The following ABL1 variants were observed in gnomAD, a reference collection of about 807,000 sequenced individuals.
ABL1 encodes tyrosine-protein kinase ABL1.
Under a neutral mutation model 94.7 loss-of-function variants are expected in ABL1, and 11 were observed. The ratio of observed to expected loss-of-function variants is 0.12; its 90% CI spans 0.07 to 0.19. The LOEUF is 0.19. ABL1 is among the 10% of genes least tolerant of loss of function. The probability of loss-of-function intolerance (pLI) is 1.00; values close to 1 mark genes in which losing one functional copy is unlikely to be tolerated. For missense variants in ABL1, 1,082 were observed against 1,489.4 expected, an observed-to-expected ratio of 0.73 and a Z score of 4.50; for synonymous variants, 656 against 622.4, an observed-to-expected ratio of 1.05 and a Z score of -0.80.
intron 1 of ABL1, among the ~76,000 whole-genome samples, chr9:130,744,807 A>C (rs1209889471): frequency 2.0e-5 from 3 of 149,898 alleles, no homozygotes; most frequent in Non-Finnish European, 4.4e-5. Context: ...CAGTGAGCCA[A>C]GATCGCACCA....
chr9:130,850,421 T>A (rs1441356061), intron 1 of ABL1, among the ~76,000 whole-genome samples: 1 of 152,198 alleles, frequency 6.6e-6, no homozygotes, highest in Non-Finnish European at 1.5e-5. Flanking sequence ...TGTAGGAAAT[T>A]GAAGCTGGAA....
intron 10 of ABL1, among the ~76,000 whole-genome samples, chr9:130,882,436 C>T (rs1363099312): frequency 2.6e-5 from 4 of 152,144 alleles, no homozygotes; most frequent in Non-Finnish European, 5.9e-5. Context: ...ATACTGGTAC[C>T]TCTGTTGAGT....
Position 130,835,591 on chromosome 9 carries a change from C to T in ABL1, c.79+66C>T, listed in dbSNP as rs1830561285. 7.1e-7 allele frequency: 1 copy of T among 1,411,964 alleles called. No homozygotes were observed. The allele number at this position is 1,411,964 out of a possible 1,614,324, so 87.5% of individuals were successfully genotyped here. On this transcript the variant is annotated intron_variant, in intron 1 of 10. Coordinates refer to ENST00000318560, the MANE Select transcript of ABL1 (RefSeq NM_005157.6). The surrounding 1 kb of genome is among the most constrained non-coding windows in gnomAD (Gnocchi z 4.6). ...CCCTCCCGCTGCTGCTGGGCCCTTC[C>T]TAGGCCTCGCCGCCCGCGCGCTCCC... is the stretch of plus-strand genomic sequence containing the variant.
At chr9:130,824,005 A>G (rs1564301200) in intron 1 of ABL1, among the ~76,000 whole-genome samples, 1 of 152,228 alleles carries the variant, frequency 6.6e-6, no homozygotes, top group Non-Finnish European at 1.5e-5. Flanking sequence ...GTCATGTGAA[A>G]TAACTATAAA....
chr9:130,869,036 A>G (rs1211519489), intron 4 of ABL1, among the ~76,000 whole-genome samples: 2 of 151,980 alleles, frequency 1.3e-5, no homozygotes, highest in Non-Finnish European at 2.9e-5. Context: ...GCGTGGTGGC[A>G]GGTGCCTGTA....
At chr9:130,757,034 G>T (rs796806515) in intron 1 of ABL1, among the ~76,000 whole-genome samples, 4 of 152,164 alleles carry the variant, frequency 2.6e-5, no homozygotes, top group South Asian at 2.1e-4. Context: ...ATTCCATTCT[G>T]CAGAATTCCC....
intron 1 of ABL1, among the ~76,000 whole-genome samples, chr9:130,852,471 T>C (rs1245074028): frequency 6.6e-6 from 1 of 152,184 alleles, no homozygotes; most frequent in Non-Finnish European, 1.5e-5. Flanking sequence ...AGCCTCCCAA[T>C]GTTCTAGGGT....
rs773427735 is a variant in ABL1, at chr9:130,862,285, T to A, written c.550-478T>A. 1.4e-4 allele frequency among the ~76,000 whole-genome samples: 22 copies of A among 152,256 alleles called. No individual in the cohort carries two copies. Among genetic ancestry groups the A allele is most frequent in the Non-Finnish European group, 2.9e-4 (20 of 68,042 alleles). On this transcript the variant is annotated intron_variant, in intron 3 of 10. Transcript: ENST00000318560. The surrounding 1 kb of genome is among the most constrained non-coding windows in gnomAD (Gnocchi z 5.5). The stretch of plus-strand genomic sequence containing the variant: ...AAGACAGCTTAGGGTTCTGCTTTCA[T>A]GAAGCTTGCATGCTCTTAGGTGGAG...
exon 1 of ABL1, among the ~76,000 whole-genome samples, chr9:130,713,401 G>C (rs1831396154): frequency 6.6e-6 from 1 of 152,288 alleles, no homozygotes; most frequent in South Asian, 2.1e-4. Flanking sequence ...GTTTCCCCCA[G>C]CTTGGGACAC....
intron 1 of ABL1, among the ~76,000 whole-genome samples, chr9:130,816,079 C>T (rs1430551470): frequency 1.3e-5 from 2 of 152,098 alleles, no homozygotes; most frequent in African/African-American, 4.8e-5. Context: ...TGTGAGGCTT[C>T]ACCCCGTCTC....
chr9:130,784,864 A>G (rs1407982099), intron 1 of ABL1, among the ~76,000 whole-genome samples: 2 of 152,172 alleles, frequency 1.3e-5, no homozygotes, highest in East Asian at 1.9e-4. Flanking sequence ...GCATAAGGCC[A>G]TGCAACACGG....
chr9:130,857,430 G>T (rs1241054725), intron 3 of ABL1, among the ~76,000 whole-genome samples: 1 of 152,074 alleles, frequency 6.6e-6, no homozygotes, highest in Non-Finnish European at 1.5e-5. Context: ...GCATATTTTG[G>T]GTCATCTTTA....
At chr9:130,781,654 G>GAAAA (rs1829757806) in intron 1 of ABL1, among the ~76,000 whole-genome samples, 1 of 152,138 alleles carries the variant, frequency 6.6e-6, no homozygotes, top group Non-Finnish European at 1.5e-5. Context: ...TTGAAAATAT[G>GAAAA]TCTTTTATAT....
In ABL1 at chr9:130,884,687, A is replaced by G; in HGVS notation, c.2397A>G (p.Lys799=). The change falls in exon 11 of 11, where the codon AAA becomes AAG. Residue 799 remains lysine, a synonymous_variant. Coordinates refer to ENST00000318560, the MANE Select transcript of ABL1 (RefSeq NM_005157.6). This position sits in a 1 kb window ranked among gnomAD's most constrained non-coding sequence, Gnocchi z 5.6. ...AGGAAGCTGCTGATGAGGTCTTCAA[A>G]GACATCATGGAGTCCAGCCCGGGCT... ...KNEEAADEVF[K]DIMESSPGSS... is the part of the protein sequence containing the mutation. The G allele has an allele frequency of 6.2e-7, 1 of 1,612,890 alleles. No homozygotes were observed. The highest frequency in any genetic ancestry group is 2.2e-5 in the East Asian group (1 of 44,852).
rs545695992 is a variant in ABL1 at position 130,755,885 on chromosome 9, C to A, written c.136+41430C>A. On this transcript the variant is annotated intron_variant, in intron 1 of 10. Coordinates refer to the ABL1 transcript ENST00000372348. Reference sequence around the variant, plus strand: ...CTGCGAGGTTGGTGGCCGAGGAGGACGAGGACACAGCTCAGGGCCTGTCCT... The same window carrying A: ...CTGCGAGGTTGGTGGCCGAGGAGGAAGAGGACACAGCTCAGGGCCTGTCCT... 2.6e-5 allele frequency among the ~76,000 whole-genome samples: 4 copies of A among 152,270 alleles called. No individual in the cohort carries two copies. The East Asian group carries it at 7.7e-4, about 29-fold the overall frequency.
Position 130,874,593 on chromosome 9 carries a change from G to A in ABL1, c.1086-275G>A, listed in dbSNP as rs558898389. Among the ~76,000 whole-genome samples the A allele has an allele frequency of 4.6e-5, 7 of 152,264 alleles. No individual in the cohort carries two copies. The South Asian group carries it at 8.3e-4, about 18-fold the overall frequency. ...GCCATTATTATCGTCTTCATTTTAC[G>A]GATGAGGTAACTGAGTCCCAGGGTA... On this transcript the variant is annotated intron_variant, in intron 6 of 10. Coordinates refer to ENST00000318560, the MANE Select transcript of ABL1 (RefSeq NM_005157.6).
rs199551701 is a variant in ABL1, at chr9:130,855,107, C to A, written c.549+11C>A. 1.9e-6 allele frequency: 3 copies of A among 1,608,098 alleles called. No individual in the cohort carries two copies. The highest frequency in any genetic ancestry group is 2.6e-6 in the Non-Finnish European group (3 of 1,175,776). ...GCTTCTGATGGCAAGGTAGGGGACC[C>A]TTGGCAGGGGGCGCTGATGGGCCCA... On this transcript the variant is annotated intron_variant, in intron 3 of 10. Transcript: ENST00000318560.
intron 1 of ABL1, among the ~76,000 whole-genome samples, chr9:130,724,595 A>C (rs1831555034): frequency 6.6e-6 from 1 of 151,708 alleles, no homozygotes; most frequent in Admixed American, 6.6e-5. Flanking sequence ...GGATCACTTG[A>C]GCTCAGGAGT....
chr9:130,715,098 T>C (rs1310964208), intron 1 of ABL1, among the ~76,000 whole-genome samples: 1 of 152,216 alleles, frequency 6.6e-6, no homozygotes, highest in Non-Finnish European at 1.5e-5. Flanking sequence ...TCATCCTGTC[T>C]TCTCCCTGTT....
Sources: gnomAD v4.1 joint callset for allele counts (sites outside exome capture counted in the v4.1 genomes callset) on GRCh38, gnomAD v4.1.1 for gene constraint, Gnocchi (gnomAD v3.1) non-coding constraint, MANE v1.5 for transcripts, NCBI Gene and HGNC (gene_info 2026-07-23, HGNC 2026-07-21) for gene names.